The following FRMPD2 variants were observed in gnomAD, a reference collection of about 807,000 sequenced individuals.
FRMPD2 encodes FERM and PDZ domain-containing protein 2.
In FRMPD2, 96 loss-of-function variants were observed where a neutral mutation model predicts 140.1. The observed-to-expected ratio is 0.69, with a 90% CI of 0.58 to 0.81. FRMPD2 has a LOEUF of 0.81. Ranked by LOEUF, FRMPD2 falls within the 40% of genes least tolerant of loss-of-function variation. The pLI is 0.00. For missense variants in FRMPD2, 1,240 were observed against 1,447.4 expected (o/e 0.86, Z 2.32); for synonymous variants, 449 against 547.6 (o/e 0.82, Z 2.52).
At chr10:48,190,567 C>T (rs981505278) in intron 16 of FRMPD2, among the ~76,000 whole-genome samples, 2 of 152,302 alleles carry the variant, frequency 1.3e-5, no homozygotes, top group South Asian at 2.1e-4. Context: ...AAAACATACC[C>T]GCACCCAAAC....
chr10:48,273,335 G>A (rs1448450825), intron 1 of FRMPD2, among the ~76,000 whole-genome samples: 1 of 151,966 alleles, frequency 6.6e-6, no homozygotes, highest in Non-Finnish European at 1.5e-5. Context: ...TGCCTATCTG[G>A]GACCTTCTGA....
At chr10:48,272,129 C>A (rs1198357945) in intron 1 of FRMPD2, among the ~76,000 whole-genome samples, 2 of 152,176 alleles carry the variant, frequency 1.3e-5, no homozygotes, top group Non-Finnish European at 2.9e-5. Flanking sequence ...TCATGGTGTT[C>A]TTTTTAATAA....
intron 15 of FRMPD2, among the ~76,000 whole-genome samples, chr10:48,197,610 A>G (rs1838982587): frequency 6.6e-6 from 1 of 152,194 alleles, no homozygotes; most frequent in Non-Finnish European, 1.5e-5. Flanking sequence ...CATCCTTTGC[A>G]AGCTCCCAGA....
At chr10:48,267,485 C>T (rs921925101) in intron 1 of FRMPD2, among the ~76,000 whole-genome samples, 1 of 152,142 alleles carries the variant, frequency 6.6e-6, no homozygotes, top group Non-Finnish European at 1.5e-5. Flanking sequence ...CATCAAAAGA[C>T]ATTTCTGTAT....
intron 28 of FRMPD2, among the ~76,000 whole-genome samples, chr10:48,161,261 G>A (rs1174015614): frequency 6.7e-6 from 1 of 149,972 alleles, no homozygotes; most frequent in Non-Finnish European, 1.5e-5. Context: ...ACTCTCGTGT[G>A]GCTCTAAAAG....
At chr10:48,222,571 T>C (rs1012067827) in intron 11 of FRMPD2, 120 bp from the exon 12 acceptor site, 3 of 1,049,322 alleles carry the variant, frequency 2.9e-6, no homozygotes, top group African/African-American at 3.2e-5. Context: ...TGCAACTCAA[T>C]AGAATTCAGA....
chr10:48,270,762 A>AC (rs1320230434), intron 1 of FRMPD2, among the ~76,000 whole-genome samples: 4 of 151,100 alleles, frequency 2.6e-5, no homozygotes, highest in Admixed American at 2.6e-4. Flanking sequence ...CCACCACCTA[A>AC]CCCCTCAAGC....
chr10:48,200,016 A>G (rs1839044917), intron 15 of FRMPD2, among the ~76,000 whole-genome samples: 1 of 152,126 alleles, frequency 6.6e-6, no homozygotes, highest in African/African-American at 2.4e-5. Context: ...AGAGCTGCAA[A>G]ATAGCCAGAC....
At chr10:48,260,666 C>T (rs1366835092) in intron 1 of FRMPD2, among the ~76,000 whole-genome samples, 2 of 152,166 alleles carry the variant, frequency 1.3e-5, no homozygotes, top group African/African-American at 4.8e-5. Context: ...GCCAGATAAT[C>T]ATAAATGCTC....
At chr10:48,216,612 A>G (rs749178686) in intron 12 of FRMPD2, among the ~76,000 whole-genome samples, 1 of 152,214 alleles carries the variant, frequency 6.6e-6, no homozygotes, top group Non-Finnish European at 1.5e-5. Flanking sequence ...ATATCAGAGC[A>G]CTATAATGCT....
In FRMPD2 at chr10:48,249,078, G is replaced by A; in HGVS notation, c.252C>T (p.Phe84=). The A allele has an allele frequency of 1.9e-6, 3 of 1,613,972 alleles. No homozygotes were observed. Among genetic ancestry groups the A allele is most frequent in the Non-Finnish European group, 2.5e-6 (3 of 1,180,006 alleles). Reference sequence around the variant, plus strand: ...GTCCCTGTAGCAGTTCAGGGGCCTTGAAAGGAGCAGCCTCTATATGAGAAA... The same window carrying A: ...GTCCCTGTAGCAGTTCAGGGGCCTTAAAAGGAGCAGCCTCTATATGAGAAA... ...GRVSHIEAAP[F]KAPELLQGQS... Residue 84 remains phenylalanine (F), a synonymous_variant, in exon 3 of 29, where the codon TTC becomes TTT. Transcript: ENST00000374201.
At chr10:48,230,951 A>G (rs1300969061) in intron 10 of FRMPD2, among the ~76,000 whole-genome samples, 1 of 152,034 alleles carries the variant, frequency 6.6e-6, no homozygotes, top group Non-Finnish European at 1.5e-5. Context: ...ACCAACACCT[A>G]TGAAACAGAA....
At chr10:48,206,002 G>A (rs1020834937) in intron 14 of FRMPD2, among the ~76,000 whole-genome samples, 2 of 151,918 alleles carry the variant, frequency 1.3e-5, no homozygotes, top group African/African-American at 4.8e-5. Flanking sequence ...TTTTTTCAGG[G>A]GCCGCAAGAT....
intron 11 of FRMPD2, 42 bp downstream of exon 11, chr10:48,223,081 T>A (rs1474884794): frequency 1.3e-6 from 2 of 1,574,002 alleles, no homozygotes; most frequent in East Asian, 4.5e-5. Context: ...TGGACATACA[T>A]AAATCCCTTA....
intron 8 of FRMPD2, among the ~76,000 whole-genome samples, chr10:48,237,762 CT>C (rs1840003281): frequency 6.6e-6 from 1 of 152,108 alleles, no homozygotes; most frequent in South Asian, 2.1e-4. Flanking sequence ...ATCTTTAACC[CT>C]ACATCTTATA....
chr10:48,203,530 C>T (rs1168020632), intron 14 of FRMPD2, among the ~76,000 whole-genome samples: 1 of 152,150 alleles, frequency 6.6e-6, no homozygotes, highest in Non-Finnish European at 1.5e-5. Context: ...TACTCTTGCA[C>T]CCACCTAATT....
At position 48,227,416 on chromosome 10, in the gene FRMPD2, G is replaced by A. The variant is rs114407960; in HGVS notation, c.1169-4146C>T. Among the ~76,000 whole-genome samples the A allele has an allele frequency of 4.8e-3, 737 of 152,312 alleles. 4 individuals are homozygous for A. The highest frequency in any genetic ancestry group is 0.017 in the African/African-American group (695 of 41,570). ...ATCAGATGGCGAGCCAGCTGGCTAG[G>A]AGTCTGAAACATGAAGCATCTCCTT... On this transcript the variant is annotated intron_variant, in intron 10 of 28. Transcript: ENST00000374201.
intron 7 of FRMPD2, among the ~76,000 whole-genome samples, chr10:48,239,189 A>G (rs914134400): frequency 6.6e-6 from 1 of 152,260 alleles, no homozygotes; most frequent in Non-Finnish European, 1.5e-5. Context: ...CTTTCAGCAG[A>G]GTCTAGAAGA....
intron 10 of FRMPD2, among the ~76,000 whole-genome samples, chr10:48,230,657 G>A (rs1023676999): frequency 6.6e-6 from 1 of 152,202 alleles, no homozygotes; most frequent in African/African-American, 2.4e-5. Flanking sequence ...TGCTTCTAAA[G>A]GAAGGTGAAA....
Sources: gnomAD v4.1 joint callset for allele counts (sites outside exome capture counted in the v4.1 genomes callset) on GRCh38, gnomAD v4.1.1 for gene constraint, MANE v1.5 for transcripts, NCBI Gene and HGNC (gene_info 2026-07-23, HGNC 2026-07-21) for gene names.